The following SLC2A9 variants were observed in gnomAD, a reference collection of about 807,000 sequenced individuals.
SLC2A9 encodes solute carrier family 2 member 9, also known as solute carrier family 2, facilitated glucose transporter member 9.
A neutral mutation model predicts 50.6 loss-of-function variants in SLC2A9; 39 were observed. The observed-to-expected ratio is 0.77, with a 90% CI of 0.60 to 1.01. The LOEUF (loss-of-function observed/expected upper bound fraction) is 1.01. SLC2A9 is among the 50% of genes least tolerant of loss of function. The pLI is 0.00. For synonymous variants in SLC2A9, 324 were observed against 276.9 expected (o/e 1.17, Z -1.69); for missense variants, 686 against 677.6 (o/e 1.01, Z -0.14).
chr4:9,807,325 CTTGT>C (rs796763380), intron 3 of SLC2A9, among the ~76,000 whole-genome samples: 5 of 152,272 alleles, frequency 3.3e-5, no homozygotes, highest in African/African-American at 7.2e-5. Flanking sequence ...CCCTTTCTTC[CTTGT>C]TTATCTCATA....
intron 5 of SLC2A9, among the ~76,000 whole-genome samples, chr4:9,957,627 GA>G (rs1181391254): frequency 6.6e-6 from 1 of 152,060 alleles, no homozygotes; most frequent in Admixed American, 6.6e-5. Context: ...TAAAAAACAA[GA>G]ACAGGACTCC....
chr4:9,838,703 C>T (rs1025143007), intron 10 of SLC2A9, among the ~76,000 whole-genome samples: 2 of 152,090 alleles, frequency 1.3e-5, no homozygotes, highest in Non-Finnish European at 2.9e-5. Flanking sequence ...TAAGACTGTG[C>T]ACCTACAACT....
intron 10 of SLC2A9, among the ~76,000 whole-genome samples, chr4:9,872,561 T>C (rs573556178): frequency 5.9e-5 from 9 of 152,362 alleles, no homozygotes; most frequent in African/African-American, 1.7e-4. Flanking sequence ...CCAAATCCTA[T>C]TTCCTGTTGT....
chr4:9,909,869 G>C (rs898317690), intron 7 of SLC2A9, among the ~76,000 whole-genome samples: 2 of 152,250 alleles, frequency 1.3e-5, no homozygotes, highest in African/African-American at 4.8e-5. Flanking sequence ...AGAAGTGTTA[G>C]AGCACATTGC....
intron 6 of SLC2A9, among the ~76,000 whole-genome samples, chr4:9,939,883 A>G (rs1316116674): frequency 6.6e-6 from 1 of 152,160 alleles, no homozygotes. Context: ...TAAAATTAGC[A>G]CTTTTATAGG....
chr4:9,965,838 CAG>C (rs1280537944), intron 5 of SLC2A9, among the ~76,000 whole-genome samples: 1 of 152,060 alleles, frequency 6.6e-6, no homozygotes, highest in Non-Finnish European at 1.5e-5. Context: ...ATTGAAAAGA[CAG>C]AAATTAATGA....
intron 10 of SLC2A9, among the ~76,000 whole-genome samples, chr4:9,837,058 C>T (rs1236129463): frequency 6.6e-6 from 1 of 152,086 alleles, no homozygotes; most frequent in Non-Finnish European, 1.5e-5. Flanking sequence ...GCTTGCACTC[C>T]AACAAATCAA....
At chr4:9,945,327 T>C (rs941783025) in intron 5 of SLC2A9, among the ~76,000 whole-genome samples, 5 of 152,328 alleles carry the variant, frequency 3.3e-5, no homozygotes, top group African/African-American at 9.6e-5. Flanking sequence ...GGATTTCTGT[T>C]GGGAGGATTT....
intron 6 of SLC2A9, among the ~76,000 whole-genome samples, chr4:9,937,173 A>G (rs752441511): frequency 6.6e-6 from 1 of 152,174 alleles, no homozygotes; most frequent in Non-Finnish European, 1.5e-5. Context: ...ATCTAAAGTG[A>G]GGCTGGTCCT....
intron 5 of SLC2A9, among the ~76,000 whole-genome samples, chr4:9,953,058 T>C (rs1418671457): frequency 6.6e-6 from 1 of 152,236 alleles, no homozygotes; most frequent in Admixed American, 6.5e-5. Flanking sequence ...TTTAATGTTC[T>C]ATATCCAAGT....
intron 5 of SLC2A9, among the ~76,000 whole-genome samples, chr4:9,944,311 A>C (rs1748723947): frequency 6.6e-6 from 1 of 152,198 alleles, no homozygotes; most frequent in South Asian, 2.1e-4. Flanking sequence ...GGGTCTATGC[A>C]CTAGCTGAGA....
At chr4:9,813,393 T>C (rs898059598) in intron 3 of SLC2A9, among the ~76,000 whole-genome samples, 1 of 152,214 alleles carries the variant, frequency 6.6e-6, no homozygotes, top group Non-Finnish European at 1.5e-5. Context: ...TATTTCTTTT[T>C]TCCCTCTTCG....
intron 1 of SLC2A9, among the ~76,000 whole-genome samples, chr4:10,020,039 A>AGTGTGT (rs112964589): frequency 0.047 from 6,886 of 148,022 alleles, 210 homozygotes; most frequent in East Asian, 0.089. Context: ...CATATTTGTG[A>AGTGTGT]GTGTGTGTGT....
At chr4:9,854,349 A>G (rs538216844) in intron 10 of SLC2A9, among the ~76,000 whole-genome samples, 116 of 152,320 alleles carry the variant, frequency 7.6e-4, no homozygotes, top group Non-Finnish European at 1.1e-3. Context: ...GACTATTATG[A>G]ACACTGAGAA....
intron 10 of SLC2A9, chr4:9,879,343 G>T: frequency 5.1e-6 from 5 of 984,740 alleles, no homozygotes; most frequent in Non-Finnish European, 6.0e-6. Context: ...CAAAGGCTGA[G>T]ACCATGAAGC....
At chr4:9,908,180 ACTGTGCTGTGTAACCCC>A in intron 8 of SLC2A9, 38 bp downstream of exon 8, 17 of 1,183,614 alleles carry the variant, frequency 1.4e-5, no homozygotes, top group Non-Finnish European at 2.0e-5. Flanking sequence ...GAACATTCCC[ACTGTGCTGTGTAACCCC>A]CTGTGGCATT....
intron 8 of SLC2A9, among the ~76,000 whole-genome samples, chr4:9,901,684 G>A (rs1739651257): frequency 6.6e-6 from 1 of 151,040 alleles, no homozygotes; most frequent in Admixed American, 6.6e-5. Flanking sequence ...CCCCCCACCA[G>A]CCCCTTGGCC....
At chr4:9,979,106 TC>T (rs1427613452) in intron 5 of SLC2A9, among the ~76,000 whole-genome samples, 1 of 152,120 alleles carries the variant, frequency 6.6e-6, no homozygotes, top group Non-Finnish European at 1.5e-5. Context: ...GTGTGATCCA[TC>T]CTTGGATGTG....
intron 8 of SLC2A9, among the ~76,000 whole-genome samples, chr4:9,898,976 C>T (rs1353592558): frequency 2.0e-5 from 3 of 150,652 alleles, no homozygotes; most frequent in Admixed American, 6.7e-5. Context: ...GCATGACACA[C>T]ACTCTCTCTC....
Sources: gnomAD v4.1 joint callset for allele counts (sites outside exome capture counted in the v4.1 genomes callset) on GRCh38, gnomAD v4.1.1 for gene constraint, MANE v1.5 for transcripts, NCBI Gene and HGNC (gene_info 2026-07-23, HGNC 2026-07-21) for gene names.